Variants in ACACA observed in about 807,000 individuals in gnomAD.
ACACA encodes acetyl-CoA carboxylase alpha, also known as acetyl-CoA carboxylase 1.
A neutral mutation model predicts 296.1 loss-of-function variants in ACACA; 103 were observed. The observed-to-expected ratio is 0.35, with a 90% CI of 0.30 to 0.41. ACACA has a LOEUF of 0.41. Among genes scored for constraint, ACACA ranks in the 10% least tolerant of loss-of-function variants. The probability of loss-of-function intolerance (pLI) is 1.00; values close to 1 mark genes in which losing one functional copy is unlikely to be tolerated. For missense variants in ACACA, 1,554 were observed against 2,989.7 expected (o/e 0.52, Z 11.20); for synonymous variants, 953 against 1,038.6 (o/e 0.92, Z 1.58).
At chr17:37,135,309 C>G (rs11653028) in intron 45 of ACACA, among the ~76,000 whole-genome samples, 80,724 of 152,026 alleles carry the variant, frequency 0.53, 23,834 homozygotes, top group African/African-American at 0.77. Flanking sequence ...ATAGGCAAAG[C>G]GTTATAATTT....
intron 41 of ACACA, chr17:37,162,707 G>C: frequency 4.1e-6 from 1 of 244,474 alleles, no homozygotes; most frequent in Non-Finnish European, 7.8e-6. Context: ...TATGGTATGC[G>C]AATCTTGCAC....
intron 35 of ACACA, among the ~76,000 whole-genome samples, chr17:37,196,121 T>C (rs528296803): frequency 2.6e-5 from 4 of 152,196 alleles, no homozygotes; most frequent in East Asian, 3.9e-4. Context: ...ATACTAATAA[T>C]CGTGTTAAAA....
intron 3 of ACACA, among the ~76,000 whole-genome samples, chr17:37,323,550 G>A (rs138230427): frequency 6.6e-6 from 1 of 152,144 alleles, no homozygotes; most frequent in African/African-American, 2.4e-5. Context: ...CTATGATTGC[G>A]CCACTGAACA....
intron 29 of ACACA, 97 bp from the exon 30 acceptor site, chr17:37,210,587 A>C: frequency 2.6e-6 from 3 of 1,153,956 alleles, no homozygotes; most frequent in Non-Finnish European, 3.9e-6. Context: ...GAGGAGCTCC[A>C]GTTTGGCAGC....
chr17:37,180,787 A>G (rs995785418), intron 40 of ACACA, among the ~76,000 whole-genome samples: 1 of 152,218 alleles, frequency 6.6e-6, no homozygotes, highest in Non-Finnish European at 1.5e-5. Context: ...GATTCTCATC[A>G]TATTAATCTA....
chr17:37,143,775 T>C, intron 45 of ACACA: 1 of 1,014,374 alleles, frequency 9.9e-7, no homozygotes, highest in Non-Finnish European at 1.6e-6. Flanking sequence ...CCTTGGCAAC[T>C]CCCTTTTTTG....
At chr17:37,332,738 C>A (rs2047941624) in intron 2 of ACACA, among the ~76,000 whole-genome samples, 1 of 151,918 alleles carries the variant, frequency 6.6e-6, no homozygotes, top group East Asian at 1.9e-4. Context: ...ATGGTGAAAC[C>A]CCGTCTCTAC....
chr17:37,391,542 T>G (rs1277811260), intron 1 of ACACA: 2 of 985,926 alleles, frequency 2.0e-6, no homozygotes, highest in Non-Finnish European at 3.2e-6. Context: ...TGAAGTGCAC[T>G]TGGAATTACA....
In ACACA at chr17:37,192,278, G is replaced by A. The variant is rs750190190; in HGVS notation, c.4228C>T (p.Leu1410=). 5 of 1,613,946 alleles carry A rather than the reference G, an allele frequency of 3.1e-6. No homozygotes were observed. In the African/African-American group the frequency reaches 5.3e-5, roughly 17 times the overall value. The change falls in exon 37 of 56, where the codon CTG becomes TTG. Residue 1410 remains leucine (L), a synonymous_variant. Coordinates refer to ENST00000616317, the MANE Select transcript of ACACA (RefSeq NM_198834.3). ...AACTGGAAAGCCAGAGCAGGCTCCA[G>A]ATGACGATAGATACGATCCTCCTCA... ...KFEEDRIYRH[L]EPALAFQLEL... is the part of the protein sequence containing the mutation.
At chr17:37,182,976 G>T (rs949721171) in intron 39 of ACACA, among the ~76,000 whole-genome samples, 1 of 152,116 alleles carries the variant, frequency 6.6e-6, no homozygotes, top group Non-Finnish European at 1.5e-5. Context: ...AAAGTCACCC[G>T]GGGGGAAGCA....
Position 37,188,436 on chromosome 17 carries a change from G to A in ACACA, c.4617C>T (p.Arg1539=). The change falls in exon 39 of 56, where the codon CGC becomes CGT. Residue 1539 remains arginine (R), a synonymous_variant. Coordinates refer to ENST00000616317, the MANE Select transcript of ACACA (RefSeq NM_198834.3). ...VRSMVMRYGS[R]LWKLRVLQAE... ...CCTGGAGGACGCGCAATTTCCACAGGCGACTTCCATACCGCATTACCATGC... is the reference window on the plus strand; with the variant it reads ...CCTGGAGGACGCGCAATTTCCACAGACGACTTCCATACCGCATTACCATGC... 6.2e-7 allele frequency: 1 copy of A among 1,613,634 alleles called. No individual in the cohort carries two copies.
intron 1 of ACACA, chr17:37,376,003 C>A: frequency 9.0e-7 from 1 of 1,114,584 alleles, no homozygotes; most frequent in Non-Finnish European, 1.4e-6. Context: ...GTTCCAGCTG[C>A]GTGTGGTGAA....
intron 14 of ACACA, among the ~76,000 whole-genome samples, chr17:37,256,160 ATT>A (rs2081218159): frequency 1.3e-5 from 2 of 152,266 alleles, no homozygotes; most frequent in South Asian, 4.1e-4. Context: ...ATTTTTTAAT[ATT>A]GTCAAATTAA....
At chr17:37,200,560 TA>T in intron 33 of ACACA, 77 bp from the exon 34 acceptor site, 1 of 1,377,306 alleles carries the variant, frequency 7.3e-7, no homozygotes, top group Non-Finnish European at 1.0e-6. Context: ...TCGGCCCTTG[TA>T]AGGCTTTGGT....
intron 3 of ACACA, among the ~76,000 whole-genome samples, chr17:37,312,516 T>C (rs2084203280): frequency 6.6e-6 from 1 of 152,252 alleles, no homozygotes; most frequent in South Asian, 2.1e-4. Flanking sequence ...TGAAAGCACT[T>C]AGTGCTTAAC....
At chr17:37,122,730 C>A (rs968963120) in intron 48 of ACACA, 103 bp from the exon 49 acceptor site, 1 of 934,082 alleles carries the variant, frequency 1.1e-6, no homozygotes, top group African/African-American at 1.6e-5. Flanking sequence ...AAACTAGAAA[C>A]AAACACAGAG....
chr17:37,131,908 G>T (rs1376010381), intron 45 of ACACA, among the ~76,000 whole-genome samples: 1 of 152,232 alleles, frequency 6.6e-6, no homozygotes, highest in East Asian at 1.9e-4. Context: ...CTCCTTTGAA[G>T]GAGCCTCGTG....
intron 1 of ACACA, among the ~76,000 whole-genome samples, chr17:37,380,282 G>C (rs55945408): frequency 1.0e-3 from 119 of 119,518 alleles, no homozygotes; most frequent in African/African-American, 3.8e-3. Context: ...TTGTGGGGTG[G>C]GGGGAGGGGG....
chr17:37,149,932 GC>G lies in ACACA; in HGVS notation c.5610del (p.Leu1871TrpfsTer13). ...RAIGIGAYLV[R>X]LGQRTIQVEN... ...TCAACCTGGATGGTTCTCTGTCCCA[GC>G]CGGACAAGGTAAGCCCCAATCCCAA... On this transcript the variant is annotated frameshift_variant, in exon 45 of 56. Transcript: ENST00000616317. LOFTEE classifies it high-confidence loss of function. 1 of 1,614,196 alleles carries G rather than the reference GC, an allele frequency of 6.2e-7. No individual in the cohort carries two copies. Among genetic ancestry groups the G allele is most frequent in the Non-Finnish European group, 8.5e-7 (1 of 1,180,024 alleles).
Sources: allele counts gnomAD v4.1 joint callset (sites outside exome capture counted in the v4.1 genomes callset), GRCh38; gene constraint gnomAD v4.1.1; transcripts MANE v1.5; gene names NCBI Gene and HGNC (gene_info 2026-07-23, HGNC 2026-07-21).